KCND2: variants seen among roughly 807,000 people sequenced by gnomAD.
KCND2 encodes the protein A-type voltage-gated potassium channel KCND2.
Under a neutral mutation model 54.4 loss-of-function variants are expected in KCND2, and 16 were observed. That is an observed-to-expected ratio of 0.29 (90% CI 0.20 to 0.45). The LOEUF (loss-of-function observed/expected upper bound fraction) is 0.45, where lower values mean the gene tolerates loss of function less well. Among genes scored for constraint, KCND2 ranks in the 20% least tolerant of loss-of-function variants. The probability of loss-of-function intolerance (pLI) is 1.00; values close to 1 mark genes in which losing one functional copy is unlikely to be tolerated. For missense variants in KCND2, 486 were observed against 824.2 expected, an observed-to-expected ratio of 0.59 and a Z score of 5.02; for synonymous variants, 317 against 310.7, an observed-to-expected ratio of 1.02 and a Z score of -0.21.
At chr7:120,595,537 A>G (rs1468835346) in intron 1 of KCND2, among the ~76,000 whole-genome samples, 1 of 143,770 alleles carries the variant, frequency 7.0e-6, no homozygotes, top group African/African-American at 2.6e-5. Flanking sequence ...ATGTGTATAT[A>G]TATGTATATG....
chr7:120,591,371 C>T (rs1296815637), intron 1 of KCND2, among the ~76,000 whole-genome samples: 2 of 152,144 alleles, frequency 1.3e-5, no homozygotes, highest in Non-Finnish European at 2.9e-5. Flanking sequence ...TAGAAAGTGT[C>T]CTGCTCATGA....
At chr7:120,727,449 G>T (rs1792747650) in intron 1 of KCND2, among the ~76,000 whole-genome samples, 2 of 152,174 alleles carry the variant, frequency 1.3e-5, no homozygotes, top group Admixed American at 6.5e-5. Context: ...GAATTAATCA[G>T]ATTTCATGAG....
chr7:120,731,802 A>G (rs1792810341), intron 1 of KCND2, among the ~76,000 whole-genome samples: 2 of 152,158 alleles, frequency 1.3e-5, no homozygotes, highest in South Asian at 4.1e-4. Flanking sequence ...AGACAACAAG[A>G]CCAGCTAAGA....
intron 1 of KCND2, among the ~76,000 whole-genome samples, chr7:120,389,293 TAGTGAAATGATTATTACA>T (rs925076752): frequency 2.6e-5 from 4 of 151,920 alleles, no homozygotes; most frequent in African/African-American, 9.7e-5. Context: ...TTGATACACA[TAGTGAAATGATTATTACA>T]CTCAAGCAAG....
intron 1 of KCND2, among the ~76,000 whole-genome samples, chr7:120,677,564 G>GATATAGATATAGATATAGATAT (rs1792081868): frequency 8.5e-6 from 1 of 117,162 alleles, no homozygotes; most frequent in African/African-American, 3.6e-5. Context: ...TAGATATATA[G>GATATAGATATAGATATAGATAT]ATATATAGAT....
At chr7:120,476,860 G>T (rs574417215) in intron 1 of KCND2, among the ~76,000 whole-genome samples, 1 of 152,186 alleles carries the variant, frequency 6.6e-6, no homozygotes, top group Non-Finnish European at 1.5e-5. Context: ...AAGAGGAGCT[G>T]CTGGGTTTGA....
intron 1 of KCND2, among the ~76,000 whole-genome samples, chr7:120,298,626 A>G (rs573066708): frequency 9.8e-5 from 15 of 152,338 alleles, no homozygotes; most frequent in African/African-American, 3.1e-4. Context: ...ACATTGATTT[A>G]AACATTTATT....
At chr7:120,324,185 G>C (rs1157659019) in intron 1 of KCND2, among the ~76,000 whole-genome samples, 1 of 150,158 alleles carries the variant, frequency 6.7e-6, no homozygotes, top group Admixed American at 6.6e-5. Flanking sequence ...GTTCATTGTA[G>C]ATTCTGGATA....
chr7:120,502,866 C>T, intron 1 of KCND2, among the ~76,000 whole-genome samples: 1 of 152,024 alleles, frequency 6.6e-6, no homozygotes, highest in Non-Finnish European at 1.5e-5. Context: ...ATCGCTCTTC[C>T]TTCTTCCTTG....
chr7:120,646,635 G>A (rs1793445400), intron 1 of KCND2, among the ~76,000 whole-genome samples: 2 of 152,050 alleles, frequency 1.3e-5, no homozygotes, highest in Non-Finnish European at 2.9e-5. Context: ...TTTTGCTGAA[G>A]GGGAAGAAAG....
At chr7:120,689,239 A>G (rs753817625) in intron 1 of KCND2, among the ~76,000 whole-genome samples, 6 of 152,158 alleles carry the variant, frequency 3.9e-5, no homozygotes, top group African/African-American at 1.4e-4. Flanking sequence ...GACACAAAAT[A>G]AAAATATTCC....
At chr7:120,505,664 T>C (rs1678085567) in intron 1 of KCND2, among the ~76,000 whole-genome samples, 1 of 151,812 alleles carries the variant, frequency 6.6e-6, no homozygotes, top group South Asian at 2.1e-4. Flanking sequence ...TGATGGTTAC[T>C]CTATGGGCCT....
At chr7:120,376,956 A>G (rs2116015104) in intron 1 of KCND2, among the ~76,000 whole-genome samples, 1 of 152,044 alleles carries the variant, frequency 6.6e-6, no homozygotes, top group East Asian at 1.9e-4. Flanking sequence ...TCTTCAGTTC[A>G]CACAATTTCC....
chr7:120,612,651 G>A (rs907423270), intron 1 of KCND2, among the ~76,000 whole-genome samples: 5 of 152,042 alleles, frequency 3.3e-5, no homozygotes, highest in African/African-American at 1.2e-4. Flanking sequence ...TAATACACAG[G>A]GAAACTCCAG....
chr7:120,288,655 C>G (rs1799384818), intron 1 of KCND2, among the ~76,000 whole-genome samples: 1 of 152,044 alleles, frequency 6.6e-6, no homozygotes, highest in Admixed American at 6.6e-5. Context: ...AACTGTCTTA[C>G]AAAAGGCTGA....
intron 1 of KCND2, among the ~76,000 whole-genome samples, chr7:120,679,303 T>C (rs1792111094): frequency 6.6e-6 from 1 of 151,972 alleles, no homozygotes; most frequent in East Asian, 1.9e-4. Context: ...AAAGCTATCA[T>C]TTTTAGGCTT....
intron 1 of KCND2, among the ~76,000 whole-genome samples, chr7:120,537,179 C>T (rs2116374020): frequency 6.6e-6 from 1 of 152,246 alleles, no homozygotes; most frequent in African/African-American, 2.4e-5. Context: ...GGCATAAAAA[C>T]AGTGGTGATC....
chr7:120,623,098 G>T (rs1320528280), intron 1 of KCND2, among the ~76,000 whole-genome samples: 4 of 152,174 alleles, frequency 2.6e-5, no homozygotes, highest in African/African-American at 9.7e-5. Flanking sequence ...ACCTGACCCA[G>T]AAGATACTGG....
chr7:120,525,344 A>G (rs1464856647), intron 1 of KCND2, among the ~76,000 whole-genome samples: 4 of 152,164 alleles, frequency 2.6e-5, no homozygotes, highest in Non-Finnish European at 1.5e-5. Context: ...AGGGCATGCA[A>G]CTTACCCGCT....
Sources: gnomAD v4.1 joint callset for allele counts (sites outside exome capture counted in the v4.1 genomes callset) on GRCh38, gnomAD v4.1.1 for gene constraint, MANE v1.5 for transcripts, NCBI Gene and HGNC (gene_info 2026-07-23, HGNC 2026-07-21) for gene names.